CLASP2: variants seen among roughly 807,000 people sequenced by gnomAD.
CLASP2 encodes the protein cytoplasmic linker associated protein 2.
Under a neutral mutation model 194.4 loss-of-function variants are expected in CLASP2, and 47 were observed. That is an observed-to-expected ratio of 0.24 (90% CI 0.19 to 0.31). CLASP2 has a LOEUF of 0.31. CLASP2 is among the 10% of genes least tolerant of loss of function. The probability of loss-of-function intolerance (pLI) is 1.00; values close to 1 mark genes in which losing one functional copy is unlikely to be tolerated. For synonymous variants in CLASP2, 619 were observed against 633.5 expected (o/e 0.98, Z 0.34); for missense variants, 1,445 against 1,823.6 (o/e 0.79, Z 3.78).
In CLASP2 at chr3:33,662,323, C is replaced by T. The variant is rs557430770; in HGVS notation, c.715+1122G>A. Among the ~76,000 whole-genome samples the T allele has an allele frequency of 1.9e-4, 29 of 152,286 alleles. No homozygotes were observed. In the South Asian group the frequency reaches 5.2e-3, roughly 27 times the overall value. Reference sequence around the variant, plus strand: ...CACAAACGATCATGTTATGAAAACACACAAGTTCAAGCATCTTGTCAAATC... The same window carrying T: ...CACAAACGATCATGTTATGAAAACATACAAGTTCAAGCATCTTGTCAAATC... On this transcript the variant is annotated intron_variant, in intron 7 of 38. Transcript: ENST00000682230.
At position 33,706,096 on chromosome 3, in the gene CLASP2, TA is replaced by T. The variant is rs1477374965; in HGVS notation, c.196-9164del. Among the ~76,000 whole-genome samples, 4 of 151,620 alleles carry T rather than the reference TA, an allele frequency of 2.6e-5. No homozygotes were observed. The East Asian group carries it at 7.7e-4, about 29-fold the overall frequency. On this transcript the variant is annotated intron_variant, in intron 1 of 38. Coordinates refer to ENST00000682230, the MANE Select transcript of CLASP2 (RefSeq NM_001365631.1). The stretch of plus-strand genomic sequence containing the variant: ...GGCAAGACCCCATCTCTACAAGAAA[TA>T]AAAAATTAGGCATGGTGTCATGCGC...
chr3:33,653,116 A>G (rs1439975096), intron 7 of CLASP2, among the ~76,000 whole-genome samples: 1 of 152,222 alleles, frequency 6.6e-6, no homozygotes, highest in East Asian at 1.9e-4. Context: ...GGGGAACTGT[A>G]TAAAGGACAG....
intron 9 of CLASP2, among the ~76,000 whole-genome samples, chr3:33,628,631 AG>A (rs2078485844): frequency 6.6e-6 from 1 of 152,140 alleles, no homozygotes; most frequent in Admixed American, 6.6e-5. Flanking sequence ...GATAAGTTTG[AG>A]GTGTCTTTGA....
chr3:33,510,837 C>T (rs1255971103), intron 36 of CLASP2, 73 bp from the exon 37 acceptor site: 4 of 1,288,094 alleles, frequency 3.1e-6, no homozygotes, highest in Non-Finnish European at 4.3e-6. Flanking sequence ...GTATAAACTT[C>T]ATGAAGTATT....
intron 24 of CLASP2, among the ~76,000 whole-genome samples, chr3:33,575,133 C>A (rs1239335969): frequency 1.3e-5 from 2 of 152,078 alleles, no homozygotes; most frequent in South Asian, 4.1e-4. Context: ...AATTTAATAT[C>A]ATCAGAACAA....
chr3:33,575,905 T>C (rs962121278), intron 24 of CLASP2, among the ~76,000 whole-genome samples: 2 of 152,226 alleles, frequency 1.3e-5, no homozygotes, highest in Non-Finnish European at 2.9e-5. Flanking sequence ...AAGTATACTA[T>C]AGTGTATAAA....
At chr3:33,595,464 A>C (rs2070029426) in intron 19 of CLASP2, among the ~76,000 whole-genome samples, 1 of 152,128 alleles carries the variant, frequency 6.6e-6, no homozygotes, top group Non-Finnish European at 1.5e-5. Flanking sequence ...AAGCATCTAC[A>C]AAGCAAAAAC....
chr3:33,530,178 A>G (rs548808311), intron 34 of CLASP2, among the ~76,000 whole-genome samples: 112 of 152,202 alleles, frequency 7.4e-4, no homozygotes, highest in African/African-American at 2.6e-3. Context: ...ACAGTATAGT[A>G]AATACTAAAA....
intron 10 of CLASP2, among the ~76,000 whole-genome samples, chr3:33,625,606 G>C (rs1178723861): frequency 6.0e-5 from 9 of 149,294 alleles, no homozygotes; most frequent in Admixed American, 4.7e-4. Flanking sequence ...GGAAAATTGT[G>C]CATATCTTGT....
intron 7 of CLASP2, among the ~76,000 whole-genome samples, chr3:33,647,551 C>T (rs896306633): frequency 6.6e-6 from 1 of 152,216 alleles, no homozygotes; most frequent in African/African-American, 2.4e-5. Context: ...GTAAACCATA[C>T]ACATACGGCC....
At chr3:33,524,218 T>C (rs907297297) in intron 34 of CLASP2, among the ~76,000 whole-genome samples, 3 of 152,122 alleles carry the variant, frequency 2.0e-5, no homozygotes, top group Non-Finnish European at 4.4e-5. Flanking sequence ...ATTTGCCTGG[T>C]ATATCAATAG....
At chr3:33,576,003 G>C (rs1421109854) in intron 24 of CLASP2, among the ~76,000 whole-genome samples, 166 bp downstream of exon 24, 1 of 152,104 alleles carries the variant, frequency 6.6e-6, no homozygotes, top group Non-Finnish European at 1.5e-5. Flanking sequence ...TGATTAATAA[G>C]GATCAAGAAT....
At chr3:33,608,710 C>G (rs1268628910) in intron 13 of CLASP2, 84 bp from the exon 14 acceptor site, 2 of 796,436 alleles carry the variant, frequency 2.5e-6, no homozygotes, top group African/African-American at 3.6e-5. Context: ...CACTTTGCCC[C>G]CTAAATTAAA....
intron 8 of CLASP2, among the ~76,000 whole-genome samples, chr3:33,635,695 A>G (rs1413775609): frequency 6.6e-6 from 1 of 152,234 alleles, no homozygotes. Context: ...ATTCAACAAA[A>G]TGCAGAGACA....
At chr3:33,537,053 T>C (rs899583687) in intron 33 of CLASP2, among the ~76,000 whole-genome samples, 1 of 152,170 alleles carries the variant, frequency 6.6e-6, no homozygotes, top group African/African-American at 2.4e-5. Flanking sequence ...AGCAGTGATA[T>C]CCCTATTTTC....
At chr3:33,556,068 T>C (rs954433819) in intron 29 of CLASP2, among the ~76,000 whole-genome samples, 5 of 152,346 alleles carry the variant, frequency 3.3e-5, no homozygotes, top group African/African-American at 1.2e-4. Context: ...CTTTAATTGT[T>C]TGTGAAACCC....
At chr3:33,507,086 G>C (rs986916440) in intron 37 of CLASP2, among the ~76,000 whole-genome samples, 2 of 151,806 alleles carry the variant, frequency 1.3e-5, no homozygotes, top group Non-Finnish European at 2.9e-5. Flanking sequence ...TTACAGAGGC[G>C]CACCACCACA....
chr3:33,520,534 G>C (rs962893255), intron 34 of CLASP2, among the ~76,000 whole-genome samples: 1 of 152,138 alleles, frequency 6.6e-6, no homozygotes, highest in Admixed American at 6.6e-5. Context: ...AGCCAAAGTG[G>C]AATAAGAAGG....
chr3:33,592,283 T>A (rs1434835327), intron 21 of CLASP2, 112 bp downstream of exon 21: 8 of 814,936 alleles, frequency 9.8e-6, no homozygotes, highest in Middle Eastern at 2.2e-4. Flanking sequence ...TGTCTTTTTT[T>A]AAATTAGCTT....
Sources: allele counts gnomAD v4.1 joint callset (sites outside exome capture counted in the v4.1 genomes callset), GRCh38; gene constraint gnomAD v4.1.1; transcripts MANE v1.5; gene names NCBI Gene and HGNC (gene_info 2026-07-23, HGNC 2026-07-21).